The following PRCP variants were observed in gnomAD, a reference collection of about 807,000 sequenced individuals.
The protein encoded by PRCP is lysosomal Pro-X carboxypeptidase.
PRCP carries 46 observed loss-of-function variants against 54.2 expected under a neutral mutation model. The ratio of observed to expected loss-of-function variants is 0.85; its 90% confidence interval spans 0.67 to 1.09. The LOEUF (loss-of-function observed/expected upper bound fraction) is 1.09, where lower values mean the gene tolerates loss of function less well. PRCP is among the 50% of genes least tolerant of loss of function. PRCP has a pLI of 0.00. For synonymous variants in PRCP, 240 were observed against 212.2 expected, an observed-to-expected ratio of 1.13 and a Z score of -1.14; for missense variants, 613 against 596.8, an observed-to-expected ratio of 1.03 and a Z score of -0.28.
At chr11:82,883,970 G>A (rs11823739) in intron 1 of PRCP, among the ~76,000 whole-genome samples, 176 of 152,276 alleles carry the variant, frequency 1.2e-3, no homozygotes, top group African/African-American at 3.9e-3. Context: ...AGTCATCACC[G>A]CTGCTTTCCA....
chr11:82,875,795 G>A (rs1591065083), intron 1 of PRCP, among the ~76,000 whole-genome samples: 2 of 152,128 alleles, frequency 1.3e-5, no homozygotes, highest in Non-Finnish European at 2.9e-5. Flanking sequence ...ACACAAGGCC[G>A]TAGCGAAGGC....
chr11:82,890,642 A>G (rs934865324), intron 1 of PRCP, among the ~76,000 whole-genome samples: 4 of 152,148 alleles, frequency 2.6e-5, no homozygotes, highest in Non-Finnish European at 1.5e-5. Context: ...AAATTCCCCA[A>G]AAGATTACCA....
At chr11:82,831,139 C>T (rs1858373127) in intron 8 of PRCP, 1 of 151,248 alleles carries the variant, frequency 6.6e-6, no homozygotes, top group African/African-American at 2.4e-5. Flanking sequence ...CACTTAGTCA[C>T]TGGCAACAAT....
At chr11:82,839,862 G>T in intron 6 of PRCP, 1 of 179,610 alleles carries the variant, frequency 5.6e-6, no homozygotes, top group Non-Finnish European at 1.2e-5. Flanking sequence ...CCTCTTCAAG[G>T]CCATCCTTGC....
At chr11:82,871,177 C>CTTTTTTT (rs146234682) in intron 1 of PRCP, among the ~76,000 whole-genome samples, 1 of 117,410 alleles carries the variant, frequency 8.5e-6, no homozygotes. Flanking sequence ...AAATGTTTCT[C>CTTTTTTT]TTTTTTTTTT....
intron 1 of PRCP, among the ~76,000 whole-genome samples, chr11:82,897,095 A>G (rs897610055): frequency 6.6e-6 from 1 of 152,100 alleles, no homozygotes; most frequent in Admixed American, 6.6e-5. Context: ...AGAGCCCTTT[A>G]TGACACTGAT....
chr11:82,831,394 C>T (rs1408770964), intron 8 of PRCP: 1 of 152,210 alleles, frequency 6.6e-6, no homozygotes, highest in Non-Finnish European at 1.5e-5. Flanking sequence ...CACGGGACTC[C>T]ACAGTCAACA....
At chr11:82,864,679 A>C (rs1355498030) in intron 1 of PRCP, among the ~76,000 whole-genome samples, 1 of 152,210 alleles carries the variant, frequency 6.6e-6, no homozygotes, top group Admixed American at 6.5e-5. Context: ...CTCTCTAGTC[A>C]TGCACAGCAG....
In PRCP at chr11:82,887,537, A is replaced by C. The variant is rs530209507; in HGVS notation, c.168+12698T>G. 3.9e-5 allele frequency among the ~76,000 whole-genome samples: 6 copies of C among 152,354 alleles called. No individual in the cohort carries two copies. In the South Asian group the frequency reaches 1.2e-3, roughly 32 times the overall value. On this transcript the variant is annotated intron_variant, in intron 1 of 8. Coordinates refer to ENST00000313010, the MANE Select transcript of PRCP (RefSeq NM_005040.4). ...ATTGATACTATGTCAACTATCATAGAGTGATACTTACTGTTATCAAAGTAT... is the reference window on the plus strand; with the variant it reads ...ATTGATACTATGTCAACTATCATAGCGTGATACTTACTGTTATCAAAGTAT...
rs1858170626 is a variant in PRCP, at chr11:82,824,486, T to C, written c.*420A>G. On this transcript the variant is annotated 3_prime_UTR_variant, in exon 9 of 9. Transcript: ENST00000313010. ...CATCCTACCAGCTGCAATTACATCA[T>C]TTTTTATCTATCTTCTGCTTTTACT... 5.5e-6 allele frequency: 1 copy of C among 182,856 alleles called. No homozygotes were observed. The highest frequency in any genetic ancestry group is 2.4e-5 in the African/African-American group (1 of 41,832). The allele number at this position is 182,856 out of a possible 1,614,324, so 11.3% of individuals were successfully genotyped here. A position where few individuals can be genotyped will look rare whatever the true frequency, so the allele number is the denominator to read the frequency against.
intron 1 of PRCP, among the ~76,000 whole-genome samples, chr11:82,864,863 T>C (rs530532878): frequency 6.6e-5 from 10 of 152,274 alleles, no homozygotes; most frequent in Middle Eastern, 3.4e-3. Flanking sequence ...GTTTATTGTA[T>C]AAAAGTAATT....
intron 1 of PRCP, among the ~76,000 whole-genome samples, chr11:82,879,356 C>T (rs1424624493): frequency 1.3e-5 from 2 of 152,180 alleles, no homozygotes; most frequent in Non-Finnish European, 2.9e-5. Flanking sequence ...ACGTAGTTCT[C>T]GTGCCATGGT....
intron 1 of PRCP, among the ~76,000 whole-genome samples, chr11:82,890,712 T>C (rs1859987080): frequency 6.6e-6 from 1 of 152,240 alleles, no homozygotes; most frequent in African/African-American, 2.4e-5. Context: ...AATGAGGCTT[T>C]CGCCTCCACT....
chr11:82,888,528 C>A (rs900178541), intron 1 of PRCP, among the ~76,000 whole-genome samples: 2 of 152,186 alleles, frequency 1.3e-5, no homozygotes, highest in African/African-American at 4.8e-5. Context: ...TGTAAGGAGA[C>A]ATTCCTCTTG....
chr11:82,887,199 G>A (rs1859880637), intron 1 of PRCP, among the ~76,000 whole-genome samples: 1 of 152,052 alleles, frequency 6.6e-6, no homozygotes, highest in South Asian at 2.1e-4. Flanking sequence ...CCATCTATAG[G>A]ATTCCCTAAT....
At chr11:82,875,513 A>G (rs1180321220) in intron 1 of PRCP, among the ~76,000 whole-genome samples, 1 of 152,230 alleles carries the variant, frequency 6.6e-6, no homozygotes, top group African/African-American at 2.4e-5. Context: ...GTAAACACAT[A>G]GGTGACTATA....
chr11:82,854,587 AT>A (rs755568782), intron 2 of PRCP, among the ~76,000 whole-genome samples: 38 of 152,314 alleles, frequency 2.5e-4, no homozygotes, highest in South Asian at 4.1e-4. Context: ...CCCCAAAGCA[AT>A]TTACAGATTC....
intron 1 of PRCP, among the ~76,000 whole-genome samples, chr11:82,891,981 A>G (rs775523928): frequency 6.6e-6 from 1 of 152,206 alleles, no homozygotes; most frequent in African/African-American, 2.4e-5. Flanking sequence ...ATATTTACAA[A>G]TGGGATATTT....
At chr11:82,851,566 A>G (rs980694557) in intron 3 of PRCP, among the ~76,000 whole-genome samples, 1 of 151,052 alleles carries the variant, frequency 6.6e-6, no homozygotes, top group African/African-American at 2.4e-5. Flanking sequence ...TCCTAACCTC[A>G]TGAGACCCCC....
Sources: allele counts gnomAD v4.1 joint callset (sites outside exome capture counted in the v4.1 genomes callset), GRCh38; gene constraint gnomAD v4.1.1; transcripts MANE v1.5; gene names NCBI Gene and HGNC (gene_info 2026-07-23, HGNC 2026-07-21).